LIMA1: variants seen among roughly 807,000 people sequenced by gnomAD.
LIMA1 encodes LIM domain and actin-binding protein 1.
LIMA1 carries 52 observed loss-of-function variants against 62.6 expected under a neutral mutation model. The ratio of observed to expected loss-of-function variants is 0.83; its 90% CI spans 0.67 to 1.05. The LOEUF (loss-of-function observed/expected upper bound fraction) is 1.05. Ranked by LOEUF, LIMA1 falls within the 50% of genes least tolerant of loss-of-function variation. The probability of loss-of-function intolerance (pLI) is 0.00; values close to 1 mark genes in which losing one functional copy is unlikely to be tolerated. For missense variants in LIMA1, 780 were observed against 902.2 expected (o/e 0.86, Z 1.74); for synonymous variants, 302 against 317.8 (o/e 0.95, Z 0.53).
At position 50,192,522 on chromosome 12, in the gene LIMA1, T is replaced by C. The variant is rs755025648; in HGVS notation, c.1070A>G (p.His357Arg). The C allele has an allele frequency of 6.2e-7, 1 of 1,614,082 alleles. No homozygotes were observed. The highest frequency in any genetic ancestry group is 8.5e-7 in the Non-Finnish European group (1 of 1,179,960). Residue 357 changes from histidine (H) to arginine (R), a missense_variant, in exon 9 of 11, where the codon CAT (histidine) becomes CGT (arginine). Physicochemically the swap from His to Arg is conservative, Grantham distance 29. Transcript: ENST00000341247. ...GGAATCTGGACTTAGTGGCTTGGGA[T>C]GGACAGGCTGTTGAACCTCACTCTT... ...QVKSEVQQPV[H>R]PKPLSPDSRA...
At chr12:50,218,538 T>C (rs1484053742) in intron 4 of LIMA1, among the ~76,000 whole-genome samples, 1 of 152,148 alleles carries the variant, frequency 6.6e-6, no homozygotes, top group African/African-American at 2.4e-5. Context: ...ACACTTCCCA[T>C]GGCGTGCTTC....
At chr12:50,227,209 T>G (rs1253561135) in intron 3 of LIMA1, among the ~76,000 whole-genome samples, 1 of 151,450 alleles carries the variant, frequency 6.6e-6, no homozygotes, top group Non-Finnish European at 1.5e-5. Flanking sequence ...TTGATTAAGG[T>G]TGAAGTCTTC....
At chr12:50,205,926 T>C (rs2302900) in intron 5 of LIMA1, 58 bp downstream of exon 5, 403,346 of 1,256,644 alleles carry the variant, frequency 0.32, 68,654 homozygotes, top group South Asian at 0.43. Context: ...GTCCAAAAGA[T>C]GTTACTACTA....
In LIMA1 at chr12:50,280,490, A is replaced by T. The variant is rs189198508; in HGVS notation, c.-24+2930T>A. The stretch of plus-strand genomic sequence containing the variant: ...GTAGTATTAAGAAATTATTTAAAAG[A>T]ACATCAAAAGAATGTAAAATTTTCA... On this transcript the variant is annotated intron_variant, in intron 1 of 10. Coordinates refer to ENST00000341247, the MANE Select transcript of LIMA1 (RefSeq NM_016357.5). Among the ~76,000 whole-genome samples the T allele has an allele frequency of 3.9e-3, 599 of 152,284 alleles. 2 individuals carry two copies. The highest frequency in any genetic ancestry group is 7.0e-3 in the Non-Finnish European group (473 of 68,020).
At chr12:50,205,901 A>C (rs1308422160) in intron 5 of LIMA1, 83 bp downstream of exon 5, 4 of 931,866 alleles carry the variant, frequency 4.3e-6, no homozygotes, top group Non-Finnish European at 6.4e-6. Flanking sequence ...CTTCCTTTAA[A>C]AGCATTGGCT....
Position 50,192,564 on chromosome 12 carries a change from G to C in LIMA1, c.1031-3C>G. On this transcript the variant is annotated splice_region_variant and splice_polypyrimidine_tract_variant and intron_variant, in intron 8 of 10. Transcript: ENST00000341247. ...CTCACTCTTAACCTGGGAGTCACCT[G>C]CTTGAGTTACAAAAGGAAGACATTT... is the stretch of plus-strand genomic sequence containing the variant. The C allele has an allele frequency of 6.2e-7, 1 of 1,602,374 alleles. No homozygotes were observed. The highest frequency in any genetic ancestry group is 8.6e-7 in the Non-Finnish European group (1 of 1,169,352).
At chr12:50,233,435 G>T (rs1294356448) in intron 2 of LIMA1, among the ~76,000 whole-genome samples, 1 of 152,206 alleles carries the variant, frequency 6.6e-6, no homozygotes, top group African/African-American at 2.4e-5. Context: ...AAATGGTTGA[G>T]AGATAGTCAC....
At chr12:50,211,459 A>G (rs910559256) in intron 4 of LIMA1, among the ~76,000 whole-genome samples, 9 of 149,444 alleles carry the variant, frequency 6.0e-5, no homozygotes, top group Non-Finnish European at 1.2e-4. Flanking sequence ...CCTGGGCAAC[A>G]TGGTGAGACC....
intron 1 of LIMA1, among the ~76,000 whole-genome samples, chr12:50,263,905 A>ATATATATATATATAAAGTATG (rs1565863144): frequency 8.0e-5 from 5 of 62,820 alleles, no homozygotes; most frequent in African/African-American, 3.7e-4. Flanking sequence ...TAAAGTATGT[A>ATATATATATATATAAAGTATG]TATATATATA....
chr12:50,281,384 G>C (rs1452609838), intron 1 of LIMA1, among the ~76,000 whole-genome samples: 1 of 152,098 alleles, frequency 6.6e-6, no homozygotes, highest in Non-Finnish European at 1.5e-5. Context: ...GCAGGAAAAA[G>C]TATCCCCTGT....
intron 1 of LIMA1, among the ~76,000 whole-genome samples, chr12:50,252,774 C>T (rs541982844): frequency 2.6e-5 from 4 of 152,138 alleles, no homozygotes; most frequent in South Asian, 4.2e-4. Flanking sequence ...CCTCAATATC[C>T]ACACCTGTAA....
At chr12:50,211,463 T>G (rs2138514377) in intron 4 of LIMA1, among the ~76,000 whole-genome samples, 1 of 144,806 alleles carries the variant, frequency 6.9e-6, no homozygotes, top group Non-Finnish European at 1.5e-5. Context: ...GGCAACATGG[T>G]GAGACCCTGT....
intron 1 of LIMA1, among the ~76,000 whole-genome samples, chr12:50,269,221 T>C (rs1942174067): frequency 6.6e-6 from 1 of 152,236 alleles, no homozygotes; most frequent in South Asian, 2.1e-4. Context: ...TGTCAGATAC[T>C]GTCTTAATTG....
intron 2 of LIMA1, among the ~76,000 whole-genome samples, chr12:50,240,632 A>G (rs1941763994): frequency 6.6e-6 from 1 of 152,184 alleles, no homozygotes; most frequent in Admixed American, 6.6e-5. Context: ...AAAGAAGAGC[A>G]AATTTGGAAA....
intron 1 of LIMA1, among the ~76,000 whole-genome samples, chr12:50,258,451 C>T (rs532292120): frequency 1.3e-4 from 20 of 151,876 alleles, no homozygotes; most frequent in African/African-American, 3.6e-4. Context: ...CATGCCACCG[C>T]GCCTGGCTAA....
At chr12:50,203,340 T>C (rs1000188748) in intron 6 of LIMA1, among the ~76,000 whole-genome samples, 2 of 152,050 alleles carry the variant, frequency 1.3e-5, no homozygotes, top group African/African-American at 4.8e-5. Context: ...TTAGCAGTTC[T>C]GTAGCATCAG....
intron 4 of LIMA1, among the ~76,000 whole-genome samples, chr12:50,219,038 C>T (rs1008025179): frequency 6.6e-6 from 1 of 151,860 alleles, no homozygotes; most frequent in Non-Finnish European, 1.5e-5. Flanking sequence ...TATAAACACA[C>T]TGAAGTTAAA....
At chr12:50,240,494 G>A (rs946484124) in intron 2 of LIMA1, among the ~76,000 whole-genome samples, 5 of 152,144 alleles carry the variant, frequency 3.3e-5, no homozygotes, top group African/African-American at 1.2e-4. Flanking sequence ...AAAGAAAAGT[G>A]AATAGATTTG....
At chr12:50,254,634 A>C (rs2138655318) in intron 1 of LIMA1, among the ~76,000 whole-genome samples, 1 of 152,304 alleles carries the variant, frequency 6.6e-6, no homozygotes, top group East Asian at 1.9e-4. Context: ...ACTCACTGGG[A>C]AATCTGCCCC....
Sources: gnomAD v4.1 joint callset for allele counts (sites outside exome capture counted in the v4.1 genomes callset) on GRCh38, gnomAD v4.1.1 for gene constraint, MANE v1.5 for transcripts, NCBI Gene and HGNC (gene_info 2026-07-23, HGNC 2026-07-21) for gene names.